Variants in CSMD1 observed in about 807,000 individuals in gnomAD.
The protein encoded by CSMD1 is CUB and sushi domain-containing protein 1.
In CSMD1, 213 loss-of-function variants were observed where a neutral mutation model predicts 417.5. That is an observed-to-expected ratio of 0.51 (90% CI 0.46 to 0.57). The LOEUF is 0.57. CSMD1 is among the 20% of genes least tolerant of loss of function. The probability of loss-of-function intolerance (pLI) is 0.00; values close to 1 mark genes in which losing one functional copy is unlikely to be tolerated. For synonymous variants in CSMD1, 2,862 were observed against 1,736.8 expected, an observed-to-expected ratio of 1.65 and a Z score of -16.11; for missense variants, 6,923 against 4,529.7, an observed-to-expected ratio of 1.53 and a Z score of -15.17.
intron 5 of CSMD1, among the ~76,000 whole-genome samples, chr8:3,884,912 A>G (rs558277560): frequency 6.9e-6 from 1 of 145,768 alleles, no homozygotes; most frequent in South Asian, 2.2e-4. Flanking sequence ...AGGCCTTCTA[A>G]ATATATATAT....
chr8:4,340,303 C>T (rs1800402212), intron 3 of CSMD1, among the ~76,000 whole-genome samples: 1 of 152,036 alleles, frequency 6.6e-6, no homozygotes, highest in African/African-American at 2.4e-5. Context: ...GTTTGCAAGG[C>T]ATCTCCATCC....
intron 5 of CSMD1, among the ~76,000 whole-genome samples, chr8:3,849,543 A>C (rs947712081): frequency 3.3e-5 from 5 of 152,228 alleles, no homozygotes; most frequent in African/African-American, 1.2e-4. Flanking sequence ...ACTTCAGCAG[A>C]AATTGGTATC....
At chr8:3,640,620 C>A (rs528305486) in intron 7 of CSMD1, among the ~76,000 whole-genome samples, 1 of 152,290 alleles carries the variant, frequency 6.6e-6, no homozygotes, top group South Asian at 2.1e-4. Context: ...TCTCTGAGAC[C>A]TCAGTCGTCC....
At chr8:3,227,555 AT>A (rs2116891094) in intron 27 of CSMD1, among the ~76,000 whole-genome samples, 1 of 152,314 alleles carries the variant, frequency 6.6e-6, no homozygotes, top group East Asian at 1.9e-4. Context: ...TAATTATACA[AT>A]AATAAGGGAC....
chr8:4,017,070 G>T (rs921064386), intron 4 of CSMD1, among the ~76,000 whole-genome samples: 2 of 152,194 alleles, frequency 1.3e-5, no homozygotes, highest in African/African-American at 2.4e-5. Flanking sequence ...CCGGAGGCAA[G>T]ACTTCAGAAT....
chr8:4,843,684 G>A (rs1164512064), intron 1 of CSMD1, among the ~76,000 whole-genome samples: 2 of 152,144 alleles, frequency 1.3e-5, no homozygotes, highest in Non-Finnish European at 2.9e-5. Context: ...ATTTTGGTAT[G>A]TGTTTTATCT....
chr8:3,803,396 G>A (rs916497015), intron 5 of CSMD1, among the ~76,000 whole-genome samples: 2 of 152,168 alleles, frequency 1.3e-5, no homozygotes, highest in South Asian at 2.1e-4. Context: ...ACGCTGGAGA[G>A]GAAACAGGTA....
intron 11 of CSMD1, among the ~76,000 whole-genome samples, chr8:3,486,342 G>T (rs887700769): frequency 1.3e-5 from 2 of 152,090 alleles, no homozygotes; most frequent in African/African-American, 4.8e-5. Context: ...AGGGAGTCAG[G>T]GATGGTGCAC....
At chr8:3,438,907 G>C (rs1271410849) in intron 12 of CSMD1, among the ~76,000 whole-genome samples, 2 of 151,554 alleles carry the variant, frequency 1.3e-5, no homozygotes, top group African/African-American at 4.9e-5. Context: ...CCTGAGGTTA[G>C]GAGTTCAAGA....
chr8:3,574,069 C>T (rs1800048363), intron 10 of CSMD1, among the ~76,000 whole-genome samples: 1 of 151,952 alleles, frequency 6.6e-6, no homozygotes, highest in African/African-American at 2.4e-5. Context: ...TGTATGCAAA[C>T]TTACAGAGAA....
At chr8:4,084,274 T>G (rs1018634350) in intron 3 of CSMD1, among the ~76,000 whole-genome samples, 2 of 151,688 alleles carry the variant, frequency 1.3e-5, no homozygotes, top group African/African-American at 4.8e-5. Flanking sequence ...AGACAAAAAT[T>G]GGAAAAATCT....
chr8:3,655,242 C>T (rs1798043597), intron 7 of CSMD1, among the ~76,000 whole-genome samples: 1 of 152,098 alleles, frequency 6.6e-6, no homozygotes, highest in Non-Finnish European at 1.5e-5. Flanking sequence ...GTTTTGGTTA[C>T]TACAAAACAA....
chr8:4,044,132 T>A (rs1798030772), intron 3 of CSMD1, among the ~76,000 whole-genome samples: 1 of 152,206 alleles, frequency 6.6e-6, no homozygotes, highest in South Asian at 2.1e-4. Flanking sequence ...TCACATGTTC[T>A]CATCTTAACA....
chr8:4,443,041 T>A (rs999353857), intron 2 of CSMD1, among the ~76,000 whole-genome samples: 1 of 152,224 alleles, frequency 6.6e-6, no homozygotes, highest in Non-Finnish European at 1.5e-5. Context: ...TCGATTGTAA[T>A]TGTGAATATA....
intron 10 of CSMD1, among the ~76,000 whole-genome samples, chr8:3,507,850 G>T (rs534938282): frequency 6.6e-5 from 10 of 152,006 alleles, no homozygotes; most frequent in African/African-American, 2.4e-5. Flanking sequence ...TTTTGATGGG[G>T]TTGTTTGTTT....
chr8:3,909,736 G>C (rs1385123991), intron 5 of CSMD1, among the ~76,000 whole-genome samples: 1 of 152,124 alleles, frequency 6.6e-6, no homozygotes, highest in South Asian at 2.1e-4. Flanking sequence ...AAAAGTTTAG[G>C]GAAGGGGGTC....
intron 25 of CSMD1, among the ~76,000 whole-genome samples, chr8:3,303,778 G>T (rs1329870377): frequency 3.3e-5 from 5 of 152,180 alleles, no homozygotes; most frequent in African/African-American, 1.2e-4. Context: ...ATCTCTTAGA[G>T]AAATATTACC....
chr8:3,320,741 C>G (rs1329200125), intron 23 of CSMD1, among the ~76,000 whole-genome samples: 1 of 152,182 alleles, frequency 6.6e-6, no homozygotes, highest in African/African-American at 2.4e-5. Flanking sequence ...ATCAGCCTAA[C>G]TGTGGCTTGC....
At chr8:3,540,297 G>A (rs1399646013) in intron 10 of CSMD1, among the ~76,000 whole-genome samples, 1 of 152,168 alleles carries the variant, frequency 6.6e-6, no homozygotes, top group Non-Finnish European at 1.5e-5. Context: ...GAGTTGAATA[G>A]GTGATAACTC....
Sources: gnomAD v4.1 joint callset for allele counts (sites outside exome capture counted in the v4.1 genomes callset) on GRCh38, gnomAD v4.1.1 for gene constraint, MANE v1.5 for transcripts, NCBI Gene and HGNC (gene_info 2026-07-23, HGNC 2026-07-21) for gene names.